The following UBP1 variants were observed in gnomAD, a reference collection of about 807,000 sequenced individuals.
UBP1 encodes the protein upstream binding protein 1, also known as upstream-binding protein 1.
Under a neutral mutation model 76.1 loss-of-function variants are expected in UBP1, and 22 were observed. That is an observed-to-expected ratio of 0.29 (90% CI 0.21 to 0.41). The LOEUF is 0.41. UBP1 is among the 10% of genes least tolerant of loss of function. The pLI is 1.00. For missense variants in UBP1, 436 were observed against 668.1 expected (o/e 0.65, Z 3.83); for synonymous variants, 224 against 237.1 (o/e 0.94, Z 0.51).
intron 13 of UBP1, among the ~76,000 whole-genome samples, chr3:33,394,401 TAAAAGC>T (rs1201935570): frequency 4.6e-5 from 7 of 151,996 alleles, no homozygotes; most frequent in Non-Finnish European, 1.0e-4. Flanking sequence ...TCCTAAGGAA[TAAAAGC>T]TATCTGTATA....
intron 2 of UBP1, among the ~76,000 whole-genome samples, chr3:33,418,364 C>T (rs1172165709): frequency 2.0e-5 from 3 of 152,024 alleles, no homozygotes; most frequent in Non-Finnish European, 4.4e-5. Flanking sequence ...AGCAATTCTC[C>T]CTGCCTTGGA....
At position 33,439,813 on chromosome 3, in the gene UBP1, C is replaced by T; in HGVS notation, c.36G>A (p.Glu12=). 1.2e-6 allele frequency: 2 copies of T among 1,612,750 alleles called. No individual in the cohort carries two copies. Among genetic ancestry groups the T allele is most frequent in the South Asian group, 1.1e-5 (1 of 90,994 alleles). The change falls in exon 1 of 16, where the codon GAG becomes GAA. Residue 12 remains glutamate (E), a synonymous_variant. Transcript: ENST00000283629. ...AWVLKMDEVI[E]SGLVHDFDAS... is the part of the protein sequence containing the mutation. ...CGTCGAAGTCGTGCACCAGCCCGGA[C>T]TCGATCACCTCGTCCATCTTGAGCA... is the stretch of plus-strand genomic sequence containing the variant.
intron 3 of UBP1, among the ~76,000 whole-genome samples, chr3:33,416,530 T>A (rs186319241): frequency 2.0e-5 from 3 of 152,352 alleles, no homozygotes; most frequent in African/African-American, 4.8e-5. Context: ...TTTTACCCCA[T>A]AACTACAACT....
intron 1 of UBP1, 46 bp downstream of exon 1, chr3:33,439,690 T>C (rs1293205600): frequency 6.3e-7 from 1 of 1,596,286 alleles, no homozygotes; most frequent in South Asian, 1.1e-5. Flanking sequence ...TGCGCAGGCC[T>C]TCCCCAAGGA....
At chr3:33,400,006 A>G (rs2044160786) in intron 11 of UBP1, among the ~76,000 whole-genome samples, 183 bp downstream of exon 11, 1 of 152,258 alleles carries the variant, frequency 6.6e-6, no homozygotes, top group Middle Eastern at 3.2e-3. Context: ...TGGCTTCAAT[A>G]GCATATAATA....
At chr3:33,417,157 T>C (rs141810287) in intron 2 of UBP1, among the ~76,000 whole-genome samples, 1,864 of 152,228 alleles carry the variant, frequency 0.012, 28 homozygotes, top group Middle Eastern at 0.024. Flanking sequence ...TACCATAAAA[T>C]TCACATTTTT....
rs947005071 is a variant in UBP1, at chr3:33,412,970, T to C, written c.343-143A>G. The C allele has an allele frequency of 1.5e-5, 8 of 517,818 alleles. No individual in the cohort carries two copies. The Admixed American group carries it at 2.7e-4, about 17-fold the overall frequency. The allele number at this position is 517,818 out of a possible 1,614,324, so 32.1% of individuals were successfully genotyped here. The stretch of plus-strand genomic sequence containing the variant: ...TTAAACATTCTGTAAGTGAACTCTT[T>C]TGCCCTTGGATACCTGGATTACGGT... On this transcript the variant is annotated intron_variant, in intron 3 of 15. Coordinates refer to ENST00000283629, the MANE Select transcript of UBP1 (RefSeq NM_014517.5).
At chr3:33,390,659 A>C in intron 15 of UBP1, 1 of 453,946 alleles carries the variant, frequency 2.2e-6, no homozygotes. Flanking sequence ...ACACACAATA[A>C]TAGTGCTGTC....
At chr3:33,400,148 A>T in intron 11 of UBP1, 41 bp downstream of exon 11, 1 of 1,298,004 alleles carries the variant, frequency 7.7e-7, no homozygotes, top group Non-Finnish European at 1.0e-6. Flanking sequence ...AAACAAAAAC[A>T]AAACATTCTC....
upstream of UBP1, chr3:33,440,530 A>C (rs1198020449): frequency 6.6e-6 from 1 of 151,996 alleles, no homozygotes; most frequent in Non-Finnish European, 1.5e-5. Context: ...AGAGAGTGCA[A>C]TGCGGCCCCG....
chr3:33,390,320 TATATAA>T lies in UBP1; in HGVS notation c.*5_*10del, dbSNP rs1304852338. On this transcript the variant is annotated 3_prime_UTR_variant, in exon 16 of 16. Transcript: ENST00000283629. ...ATTTGGTACTGAATACAGTTCAGTC[TATATAA>T]GACATCACTTCAAAATTATGTGGAT... 2 of 1,613,550 alleles carry T rather than the reference TATATAA, an allele frequency of 1.2e-6. No homozygotes were observed. Among genetic ancestry groups the T allele is most frequent in the African/African-American group, 2.7e-5 (2 of 74,938 alleles).
In UBP1 at chr3:33,389,987, A is replaced by G. The variant is rs576310762; in HGVS notation, c.*344T>C. The G allele has an allele frequency of 8.3e-6, 2 of 239,710 alleles. No individual in the cohort carries two copies. Among genetic ancestry groups the G allele is most frequent in the East Asian group, 1.6e-4 (2 of 12,526 alleles). 14.8% of individuals were successfully genotyped at this position (239,710 alleles called of 1,614,324 possible). A position where few individuals can be genotyped will look rare whatever the true frequency, so the allele number is the denominator to read the frequency against. On this transcript the variant is annotated 3_prime_UTR_variant, in exon 16 of 16. Transcript: ENST00000283629. Reference sequence around the variant, plus strand: ...GTAAATGCCCACAGTAAGTTTCTACATTCATTTCCAAACCGCATACAGTGT... The same window carrying G: ...GTAAATGCCCACAGTAAGTTTCTACGTTCATTTCCAAACCGCATACAGTGT...
intron 9 of UBP1, 85 bp from the exon 10 acceptor site, chr3:33,401,101 A>T: frequency 7.7e-7 from 1 of 1,293,634 alleles, no homozygotes; most frequent in Non-Finnish European, 1.1e-6. Context: ...GTTGCATTGT[A>T]ACTATGCAAA....
Position 33,439,816 on chromosome 3 carries a change from G to T in UBP1, c.33C>A (p.Ile11=), listed in dbSNP as rs150963984. The T allele has an allele frequency of 5.9e-5, 95 of 1,612,654 alleles. No individual in the cohort carries two copies. In the African/African-American group the frequency reaches 1.3e-3, roughly 21 times the overall value. ...CGAAGTCGTGCACCAGCCCGGACTC[G>T]ATCACCTCGTCCATCTTGAGCACCC... MAWVLKMDEV[I]ESGLVHDFDA... The change falls in exon 1 of 16, where the codon ATC becomes ATA. Residue 11 remains isoleucine, a synonymous_variant. Coordinates refer to ENST00000283629, the MANE Select transcript of UBP1 (RefSeq NM_014517.5).
At chr3:33,412,141 C>A (rs1222224354) in intron 4 of UBP1, among the ~76,000 whole-genome samples, 4 of 145,168 alleles carry the variant, frequency 2.8e-5, no homozygotes, top group African/African-American at 1.0e-4. Context: ...GAGCCAAGAT[C>A]GCGCCACTGC....
intron 1 of UBP1, among the ~76,000 whole-genome samples, chr3:33,429,627 C>T (rs772986407): frequency 6.6e-6 from 1 of 152,132 alleles, no homozygotes; most frequent in Non-Finnish European, 1.5e-5. Context: ...CTGCACCAGG[C>T]CCAAATGATG....
In UBP1 at chr3:33,389,768, A is replaced by T. The variant is rs2043684260; in HGVS notation, c.*563T>A. 6.5e-6 allele frequency: 1 copy of T among 153,468 alleles called. No homozygotes were observed. The highest frequency in any genetic ancestry group is 2.4e-5 in the African/African-American group (1 of 41,412). 9.5% of individuals were successfully genotyped at this position (153,468 alleles called of 1,614,324 possible). A position where few individuals can be genotyped will look rare whatever the true frequency, so the allele number is the denominator to read the frequency against. On this transcript the variant is annotated 3_prime_UTR_variant, in exon 16 of 16. Transcript: ENST00000283629. Reference sequence around the variant, plus strand: ...ATCTTCTCCAATCTGGCATGATCATATCAAACGTACACCCTCAGACATGAT... The same window carrying T: ...ATCTTCTCCAATCTGGCATGATCATTTCAAACGTACACCCTCAGACATGAT...
chr3:33,429,212 T>C (rs1334505918), intron 1 of UBP1, among the ~76,000 whole-genome samples: 2 of 152,226 alleles, frequency 1.3e-5, no homozygotes, highest in African/African-American at 2.4e-5. Context: ...GATTGAAAAC[T>C]AGGTCTCCAG....
intron 1 of UBP1, among the ~76,000 whole-genome samples, chr3:33,438,321 GAC>G (rs1262644963): frequency 6.6e-6 from 1 of 152,208 alleles, no homozygotes; most frequent in Non-Finnish European, 1.5e-5. Context: ...ACTGAGGAGA[GAC>G]ACATATTGAA....
Sources: allele counts gnomAD v4.1 joint callset (sites outside exome capture counted in the v4.1 genomes callset), GRCh38; gene constraint gnomAD v4.1.1; transcripts MANE v1.5; gene names NCBI Gene and HGNC (gene_info 2026-07-23, HGNC 2026-07-21).